TAC3: variants seen among roughly 807,000 people sequenced by gnomAD.
TAC3 encodes tachykinin-3.
Under a neutral mutation model 16.5 loss-of-function variants are expected in TAC3, and 9 were observed. The observed-to-expected ratio is 0.55, with a 90% CI of 0.33 to 0.95. The LOEUF is 0.95. Ranked by LOEUF, TAC3 falls within the 40% of genes least tolerant of loss-of-function variation. The pLI, the probability that TAC3 is intolerant of heterozygous loss-of-function variation, is 0.03. For missense variants in TAC3, 129 were observed against 149.1 expected, an observed-to-expected ratio of 0.87 and a Z score of 0.70; for synonymous variants, 52 against 56.7, an observed-to-expected ratio of 0.92 and a Z score of 0.37.
At chr12:57,013,427 G>A (rs1422886391) in intron 3 of TAC3, 39 bp from the exon 4 acceptor site, 1 of 1,613,602 alleles carries the variant, frequency 6.2e-7, no homozygotes, top group Non-Finnish European at 8.5e-7. Context: ...GGGGAGTGAA[G>A]TTGGAAAGTG....
chr12:57,015,904 C>T (rs1332883567), intron 1 of TAC3, 102 bp from the exon 2 acceptor site: 2 of 966,036 alleles, frequency 2.1e-6, no homozygotes, highest in Non-Finnish European at 3.2e-6. Context: ...TTGGCTTGAC[C>T]CTGCTTCCCC....
chr12:57,011,305 A>G (rs1956294435), intron 6 of TAC3, among the ~76,000 whole-genome samples: 1 of 152,210 alleles, frequency 6.6e-6, no homozygotes, highest in African/African-American at 2.4e-5. Context: ...ACAGGGACAC[A>G]GAGAGAAAAG....
At chr12:57,014,079 G>A (rs1050440622) in intron 2 of TAC3, among the ~76,000 whole-genome samples, 4 of 151,984 alleles carry the variant, frequency 2.6e-5, no homozygotes, top group African/African-American at 7.3e-5. Flanking sequence ...ATGGCTTTCC[G>A]CCTCTAGTTT....
At chr12:57,010,481 C>T (rs1050903716) in intron 6 of TAC3, among the ~76,000 whole-genome samples, 193 bp from the exon 7 acceptor site, 10 of 152,178 alleles carry the variant, frequency 6.6e-5, no homozygotes, top group Admixed American at 1.3e-4. Flanking sequence ...CTCTCCTAGC[C>T]GCAGGTACTT....
chr12:57,013,113 C>T, intron 4 of TAC3: 1 of 720,178 alleles, frequency 1.4e-6, no homozygotes, highest in Non-Finnish European at 2.3e-6. Flanking sequence ...ATTTTCAGGG[C>T]CACGAAGAGA....
rs1427054748 is a variant in TAC3 at position 57,010,263 on chromosome 12, C to T, written c.*27G>A. 2.2e-6 allele frequency: 1 copy of T among 453,234 alleles called. No individual in the cohort carries two copies. The highest frequency in any genetic ancestry group is 1.6e-5 in the South Asian group (1 of 64,348). 28.1% of individuals were successfully genotyped at this position (453,234 alleles called of 1,614,324 possible). On this transcript the variant is annotated 3_prime_UTR_variant, in exon 7 of 7. Coordinates refer to ENST00000458521, the MANE Select transcript of TAC3 (RefSeq NM_013251.4). ...GACAGGGAAAGAGGTCTTCCTAATG[C>T]AGTCCAGGAGTCCGGAAGTGGAGTA...
intron 6 of TAC3, among the ~76,000 whole-genome samples, chr12:57,011,127 T>C (rs1334931325): frequency 6.6e-6 from 1 of 152,200 alleles, no homozygotes; most frequent in Non-Finnish European, 1.5e-5. Context: ...GTAACTACCA[T>C]GTAATCAGCA....
In TAC3 at chr12:57,015,801, G is replaced by T. The variant is rs1338429050; in HGVS notation, c.-4C>A. The T allele has an allele frequency of 2.5e-6, 4 of 1,612,746 alleles. No homozygotes were observed. The Admixed American group carries it at 6.7e-5, about 27-fold the overall frequency. ...TGAATAGCAGCATGATCCTCATGGTGCCTGGGAGAGCAAAGGGACAGGACT... is the reference window on the plus strand; with the variant it reads ...TGAATAGCAGCATGATCCTCATGGTTCCTGGGAGAGCAAAGGGACAGGACT... On this transcript the variant is annotated splice_region_variant and 5_prime_UTR_variant, in exon 2 of 7. Transcript: ENST00000458521.
intron 4 of TAC3, 140 bp from the exon 5 acceptor site, chr12:57,013,015 A>T: frequency 9.3e-7 from 1 of 1,074,404 alleles, no homozygotes; most frequent in Non-Finnish European, 1.4e-6. Context: ...ACAGTTAGCA[A>T]GTGCCTCCCC....
chr12:57,015,234 A>T, intron 2 of TAC3, among the ~76,000 whole-genome samples: 1 of 152,214 alleles, frequency 6.6e-6, no homozygotes, highest in East Asian at 1.9e-4. Context: ...TTTTGAAAAT[A>T]AAACAATACA....
chr12:57,012,342 C>A lies in TAC3; in HGVS notation c.*1+36G>T, dbSNP rs370240107. Reference sequence around the variant, plus strand: ...CTGGCAACCCCCACAGCCCCCTCCCCAGTCCCCTCTCCCCTCTCTAATGAA... The same window carrying A: ...CTGGCAACCCCCACAGCCCCCTCCCAAGTCCCCTCTCCCCTCTCTAATGAA... On this transcript the variant is annotated intron_variant, in intron 6 of 6. Transcript: ENST00000458521. 1.9e-6 allele frequency: 3 copies of A among 1,581,850 alleles called. No individual in the cohort carries two copies. The Admixed American group carries it at 5.0e-5, about 27-fold the overall frequency.
intron 2 of TAC3, among the ~76,000 whole-genome samples, chr12:57,013,921 A>T (rs949945349): frequency 6.6e-6 from 1 of 152,156 alleles, no homozygotes; most frequent in Admixed American, 6.5e-5. Context: ...ACCTCCTGAG[A>T]CAGAATCTGC....
rs1170406150 is a variant in TAC3, at chr12:57,015,786, C to T, written c.12G>A (p.Met4Ile). MRI[M>I]LLFTAILAFS... ...AGGCCAGGATGGCTGTGAATAGCAG[C>T]ATGATCCTCATGGTGCCTGGGAGAG... Residue 4 changes from methionine to isoleucine, a missense_variant, in exon 2 of 7, where the codon ATG (methionine) becomes ATA (isoleucine). Coordinates refer to ENST00000458521, the MANE Select transcript of TAC3 (RefSeq NM_013251.4). The T allele has an allele frequency of 6.2e-7, 1 of 1,613,872 alleles. No homozygotes were observed. Among genetic ancestry groups the T allele is most frequent in the Non-Finnish European group, 8.5e-7 (1 of 1,179,940 alleles).
chr12:57,012,420 G>T lies in TAC3; in HGVS notation c.325C>A (p.Pro109Thr). ...SPTDVNQENV[P>T]SFGILKYPPR... ...GGATACTTGAGGATGCCAAAGCTGG[G>T]GACGTTCTCTTGATTCACATCCGTA... Residue 109 changes from proline to threonine, a missense_variant, in exon 6 of 7, where the codon CCC (proline) becomes ACC (threonine). Transcript: ENST00000458521. 1 of 1,614,038 alleles carries T rather than the reference G, an allele frequency of 6.2e-7. No individual in the cohort carries two copies. The highest frequency in any genetic ancestry group is 1.1e-5 in the South Asian group (1 of 91,056).
intron 6 of TAC3, 191 bp downstream of exon 6, chr12:57,012,186 CG>C (rs1382994921): frequency 9.9e-6 from 6 of 605,446 alleles, no homozygotes; most frequent in Non-Finnish European, 1.8e-5. Flanking sequence ...AGATGAAAGA[CG>C]GGGGATGTGT....
intron 6 of TAC3, among the ~76,000 whole-genome samples, chr12:57,011,352 C>G (rs933149627): frequency 7.2e-5 from 11 of 152,204 alleles, no homozygotes; most frequent in Non-Finnish European, 1.6e-4. Context: ...TTCCCAATCT[C>G]TCTCCCTCTC....
At chr12:57,015,305 C>A (rs2136421581) in intron 2 of TAC3, among the ~76,000 whole-genome samples, 1 of 152,224 alleles carries the variant, frequency 6.6e-6, no homozygotes, top group East Asian at 1.9e-4. Flanking sequence ...CTGACTGTTT[C>A]ATACCATCCA....
Position 57,015,736 on chromosome 12 carries a change from G to GC in TAC3, c.61dup (p.Ala21GlyfsTer4). 1 of 1,614,144 alleles carries GC rather than the reference G, an allele frequency of 6.2e-7. No individual in the cohort carries two copies. The highest frequency in any genetic ancestry group is 1.3e-5 in the African/African-American group (1 of 75,058). On this transcript the variant is annotated frameshift_variant, in exon 2 of 7. Transcript: ENST00000458521. LOFTEE classifies it high-confidence loss of function. ...CTCCTCCTGTGGCTCCTTACAGACA[G>GC]CCCCAAAGCTCTGAGCTAGGCTGAA...
chr12:57,012,441 C>T lies in TAC3; in HGVS notation c.304G>A (p.Asp102Asn). The change falls in exon 6 of 7, where the codon GAT (aspartate) becomes AAT (asparagine). Residue 102 changes from aspartate (D) to asparagine (N), a missense_variant. Transcript: ENST00000458521. ...KRSVQPDSPTDVNQENVPSFG... is the reference protein window; with the variant it reads ...KRSVQPDSPTNVNQENVPSFG... Reference sequence around the variant, plus strand: ...CTGGGGACGTTCTCTTGATTCACATCCGTAGGAGAGTCTAGGGTAAAGCGA... The same window carrying T: ...CTGGGGACGTTCTCTTGATTCACATTCGTAGGAGAGTCTAGGGTAAAGCGA... 6.2e-7 allele frequency: 1 copy of T among 1,612,858 alleles called. No homozygotes were observed.
Sources: gnomAD v4.1 joint callset for allele counts (sites outside exome capture counted in the v4.1 genomes callset) on GRCh38, gnomAD v4.1.1 for gene constraint, MANE v1.5 for transcripts, NCBI Gene and HGNC (gene_info 2026-07-23, HGNC 2026-07-21) for gene names.